The following COL24A1 variants were observed in gnomAD, a reference collection of about 807,000 sequenced individuals.
The protein encoded by COL24A1 is collagen type XXIV alpha 1 chain.
COL24A1 carries 224 observed loss-of-function variants against 253.9 expected under a neutral mutation model. That is an observed-to-expected ratio of 0.88 (90% CI 0.79 to 0.99). COL24A1 has a LOEUF of 0.99. COL24A1 is among the 50% of genes least tolerant of loss of function. The pLI, the probability that COL24A1 is intolerant of heterozygous loss-of-function variation, is 0.00. For missense variants in COL24A1, 2,131 were observed against 2,068.5 expected (o/e 1.03, Z -0.59); for synonymous variants, 685 against 673.7 (o/e 1.02, Z -0.26).
At chr1:85,799,765 C>A (rs979053583) in intron 47 of COL24A1, among the ~76,000 whole-genome samples, 27 of 152,070 alleles carry the variant, frequency 1.8e-4, no homozygotes, top group Non-Finnish European at 3.5e-4. Flanking sequence ...TTGATGGATA[C>A]AAAACATTTC....
intron 47 of COL24A1, among the ~76,000 whole-genome samples, chr1:85,788,157 C>G (rs1410398578): frequency 3.9e-5 from 6 of 152,060 alleles, no homozygotes; most frequent in Non-Finnish European, 8.8e-5. Context: ...GTGGTGCGAT[C>G]TCGGCTCACT....
chr1:85,790,859 A>G (rs897158424), intron 47 of COL24A1, among the ~76,000 whole-genome samples: 3 of 152,136 alleles, frequency 2.0e-5, no homozygotes, highest in Non-Finnish European at 4.4e-5. Flanking sequence ...GGCACATAAT[A>G]TAATATTTCT....
At chr1:85,925,709 C>T (rs546822009) in intron 24 of COL24A1, among the ~76,000 whole-genome samples, 44 of 152,136 alleles carry the variant, frequency 2.9e-4, no homozygotes, top group Non-Finnish European at 6.0e-4. Flanking sequence ...AGACTTAAAA[C>T]CATAAAAACC....
chr1:86,142,527 A>AAAAAAAC (rs1187004603), intron 2 of COL24A1, among the ~76,000 whole-genome samples: 13 of 150,594 alleles, frequency 8.6e-5, no homozygotes, highest in Non-Finnish European at 1.6e-4. Flanking sequence ...TGCCTCAAAA[A>AAAAAAAC]AAAAAACAAA....
chr1:86,143,684 G>A (rs1462555483), intron 2 of COL24A1, among the ~76,000 whole-genome samples: 4 of 152,050 alleles, frequency 2.6e-5, no homozygotes, highest in African/African-American at 9.7e-5. Context: ...AAAAGAAGGT[G>A]CTAAAAGAGT....
chr1:85,882,544 C>T (rs2102672349), intron 32 of COL24A1, among the ~76,000 whole-genome samples: 1 of 152,224 alleles, frequency 6.6e-6, no homozygotes, highest in South Asian at 2.1e-4. Context: ...TTTGGTCTAT[C>T]TTGGTGAGTG....
intron 19 of COL24A1, among the ~76,000 whole-genome samples, chr1:85,997,941 G>C (rs1695015300): frequency 6.6e-6 from 1 of 152,134 alleles, no homozygotes; most frequent in Non-Finnish European, 1.5e-5. Context: ...GTGTTCCTGT[G>C]AATGTAGCCA....
At chr1:85,976,074 C>A (rs1289236283) in intron 20 of COL24A1, among the ~76,000 whole-genome samples, 3 of 152,176 alleles carry the variant, frequency 2.0e-5, no homozygotes, top group African/African-American at 7.2e-5. Flanking sequence ...AAGATTCCAA[C>A]TGAACTTTGT....
chr1:85,979,941 A>C (rs907376972), intron 20 of COL24A1, among the ~76,000 whole-genome samples: 4 of 152,200 alleles, frequency 2.6e-5, no homozygotes, highest in African/African-American at 9.6e-5. Flanking sequence ...TCCTCAACAA[A>C]ATACTAGCTA....
intron 28 of COL24A1, among the ~76,000 whole-genome samples, chr1:85,898,683 C>T (rs1415525692): frequency 6.6e-6 from 1 of 152,154 alleles, no homozygotes; most frequent in Non-Finnish European, 1.5e-5. Flanking sequence ...TATAAGCCAG[C>T]ATTGTTTTAG....
chr1:85,761,403 C>A lies in COL24A1; in HGVS notation c.4430G>T (p.Gly1477Val). 1 of 1,613,968 alleles carries A rather than the reference C, an allele frequency of 6.2e-7. No homozygotes were observed. The highest frequency in any genetic ancestry group is 1.1e-5 in the South Asian group (1 of 91,062). The change falls in exon 55 of 60, where the codon GGC (glycine) becomes GTC (valine). Residue 1477 changes from glycine (G) to valine (V), a missense_variant. Coordinates refer to ENST00000370571, the MANE Select transcript of COL24A1 (RefSeq NM_152890.7). Reference protein sequence around the residue: ...PGPPGPPGAPGPRKQMDINAA... With the variant: ...PGPPGPPGAPVPRKQMDINAA... ...CAAACCAAGCAAACTTACTCTTGGG[C>A]CTGGTGCTCCAGGTGGACCCTAGAA...
chr1:85,908,748 G>T, intron 26 of COL24A1, 97 bp from the exon 27 acceptor site: 2 of 484,758 alleles, frequency 4.1e-6, no homozygotes, highest in East Asian at 3.4e-5. Context: ...ATAATAAAAA[G>T]GGATAATTTG....
intron 5 of COL24A1, among the ~76,000 whole-genome samples, chr1:86,103,394 T>C (rs1704645144): frequency 6.6e-6 from 1 of 152,226 alleles, no homozygotes; most frequent in South Asian, 2.1e-4. Context: ...TTAGTATTAA[T>C]ATATGTGGAT....
chr1:85,843,050 T>C (rs947954320), intron 39 of COL24A1, among the ~76,000 whole-genome samples: 1 of 152,120 alleles, frequency 6.6e-6, no homozygotes, highest in Non-Finnish European at 1.5e-5. Flanking sequence ...AAAAGTCCTA[T>C]ATTTCATATT....
chr1:85,940,783 C>T (rs1486080386), intron 24 of COL24A1, among the ~76,000 whole-genome samples: 1 of 152,114 alleles, frequency 6.6e-6, no homozygotes. Context: ...AAGTTTTGCC[C>T]GAGGAAGGTC....
At chr1:85,922,169 G>C (rs115521904) in intron 24 of COL24A1, among the ~76,000 whole-genome samples, 8 of 152,098 alleles carry the variant, frequency 5.3e-5, no homozygotes, top group African/African-American at 1.9e-4. Flanking sequence ...GGGATTATGC[G>C]AAAAGACCAA....
chr1:85,913,188 A>G (rs1685538676), intron 24 of COL24A1, among the ~76,000 whole-genome samples: 1 of 152,196 alleles, frequency 6.6e-6, no homozygotes, highest in South Asian at 2.1e-4. Context: ...ATCAATGTTC[A>G]TGTGCATGGA....
chr1:85,978,104 C>T (rs1487889974), intron 20 of COL24A1, among the ~76,000 whole-genome samples: 1 of 152,134 alleles, frequency 6.6e-6, no homozygotes, highest in Non-Finnish European at 1.5e-5. Flanking sequence ...AATTACCAAT[C>T]AAGAATTCTG....
chr1:86,101,523 C>T (rs2390016), intron 5 of COL24A1, among the ~76,000 whole-genome samples: 65,925 of 151,956 alleles, frequency 0.43, 15,439 homozygotes, highest in Non-Finnish European at 0.52. Context: ...AGCTGTGCAT[C>T]TGTCATATAT....
Sources: gnomAD v4.1 joint callset for allele counts (sites outside exome capture counted in the v4.1 genomes callset) on GRCh38, gnomAD v4.1.1 for gene constraint, MANE v1.5 for transcripts, NCBI Gene and HGNC (gene_info 2026-07-23, HGNC 2026-07-21) for gene names.